The following ZNF14 variants were observed in gnomAD, a reference collection of about 807,000 sequenced individuals.
ZNF14 encodes zinc finger protein 14.
Under a neutral mutation model 11.3 loss-of-function variants are expected in ZNF14, and 9 were observed. The ratio of observed to expected loss-of-function variants is 0.80; its 90% CI spans 0.48 to 1.39. The LOEUF (loss-of-function observed/expected upper bound fraction) is 1.39, where lower values mean the gene tolerates loss of function less well. ZNF14 is among the 40% of genes most tolerant of loss of function. The pLI is 0.00. For missense variants in ZNF14, 711 were observed against 763.9 expected (o/e 0.93, Z 0.82); for synonymous variants, 239 against 245.7 (o/e 0.97, Z 0.25).
chr19:19,732,923 A>G (rs1363120168), intron 1 of ZNF14, 33 bp downstream of exon 1: 2 of 1,610,964 alleles, frequency 1.2e-6, no homozygotes, highest in Non-Finnish European at 1.7e-6. Flanking sequence ...CCAACCAGAA[A>G]CCTCCCCTCG....
chr19:19,731,663 A>G (rs886563423), intron 1 of ZNF14, among the ~76,000 whole-genome samples: 1 of 152,228 alleles, frequency 6.6e-6, no homozygotes, highest in Non-Finnish European at 1.5e-5. Context: ...AGAGAAAAAC[A>G]CACTGACCTA....
intron 3 of ZNF14, among the ~76,000 whole-genome samples, chr19:19,713,748 C>CTTTTTTTTTTTTTTTTTTTTTTTTTTTT (rs71172526): frequency 8.3e-6 from 1 of 120,188 alleles, no homozygotes; most frequent in Non-Finnish European, 1.8e-5. Flanking sequence ...TGTGCCAGGC[C>CTTTTTTTTTTTTTTTTTTTTTTTTTTTT]TTTTTTTTTT....
rs2062428388 is a variant in ZNF14, at chr19:19,732,946, G to A, written c.3+10C>T. The A allele has an allele frequency of 1.9e-6, 3 of 1,613,222 alleles. No homozygotes were observed. The highest frequency in any genetic ancestry group is 2.2e-5 in the South Asian group (2 of 90,950). ...AAACCTCCCCTCGGACACTGGCCCC[G>A]CACACTCACCATTTCCCAGCGTCCG... On this transcript the variant is annotated intron_variant, in intron 1 of 3. Coordinates refer to ENST00000344099, the MANE Select transcript of ZNF14 (RefSeq NM_021030.3).
chr19:19,728,915 C>T (rs897991334), intron 1 of ZNF14, among the ~76,000 whole-genome samples: 1 of 152,100 alleles, frequency 6.6e-6, no homozygotes, highest in African/African-American at 2.4e-5. Flanking sequence ...AACCACAATT[C>T]TTTGACAGAA....
At chr19:19,722,771 C>T (rs2062396478) in intron 1 of ZNF14, among the ~76,000 whole-genome samples, 2 of 152,184 alleles carry the variant, frequency 1.3e-5, no homozygotes, top group South Asian at 4.1e-4. Context: ...TGTAGTTCTC[C>T]TTGAATAGTT....
At chr19:19,729,733 A>T (rs918084855) in intron 1 of ZNF14, among the ~76,000 whole-genome samples, 3 of 151,548 alleles carry the variant, frequency 2.0e-5, no homozygotes, top group Admixed American at 6.6e-5. Flanking sequence ...AGAAACTTAT[A>T]AAAAAAAATG....
chr19:19,712,760 C>T lies in ZNF14; in HGVS notation c.521G>A (p.Cys174Tyr), dbSNP rs374717808. The stretch of plus-strand genomic sequence containing the variant: ...CTGGTAATATATAAAGGCTTTCCCA[C>T]ACTGTTTACATTCATAGGGCTTCAC... The part of the protein sequence containing the change: ...TGVKPYECKQ[C>Y]GKAFIYYQPF... The change falls in exon 4 of 4, where the codon TGT becomes TAT. Residue 174 changes from cysteine to tyrosine, a missense_variant. By Grantham distance (194) the Cys-to-Tyr change is radical (BLOSUM62 -2). Transcript: ENST00000344099. 5 of 1,613,706 alleles carry T rather than the reference C, an allele frequency of 3.1e-6. No individual in the cohort carries two copies. In the African/African-American group the frequency reaches 5.3e-5, roughly 17 times the overall value.
Position 19,726,250 on chromosome 19 carries a change from G to A in ZNF14, c.3+6706C>T, listed in dbSNP as rs757730044. ...ACCTCTGGTCTTTGATGATGGTGAC[G>A]TACAAATGGGGTTTTGGTGTGGATG... On this transcript the variant is annotated intron_variant, in intron 1 of 3. Transcript: ENST00000344099. Among the ~76,000 whole-genome samples, 44 of 134,118 alleles carry A rather than the reference G, an allele frequency of 3.3e-4. 10 individuals are homozygous for A. Among genetic ancestry groups the A allele is most frequent in the Non-Finnish European group, 4.8e-4 (29 of 60,250 alleles). The allele number at this position is 134,118 out of a possible 152,430, so 88.0% of individuals were successfully genotyped here. A position where few individuals can be genotyped will look rare whatever the true frequency, so the allele number is the denominator to read the frequency against.
intron 1 of ZNF14, among the ~76,000 whole-genome samples, chr19:19,719,160 T>C (rs1471898124): frequency 1.3e-5 from 2 of 152,122 alleles, no homozygotes; most frequent in East Asian, 3.8e-4. Context: ...GAATTCTGTA[T>C]AGAGCAAGAA....
chr19:19,731,858 G>C (rs184758186), intron 1 of ZNF14, among the ~76,000 whole-genome samples: 2 of 152,246 alleles, frequency 1.3e-5, no homozygotes, highest in African/African-American at 4.8e-5. Flanking sequence ...ACAAGGTCAG[G>C]AGATCGAGAC....
intron 1 of ZNF14, among the ~76,000 whole-genome samples, chr19:19,728,911 A>T (rs1482738196): frequency 6.6e-6 from 1 of 152,128 alleles, no homozygotes; most frequent in East Asian, 1.9e-4. Context: ...ACAGAACCAC[A>T]ATTCTTTGAC....
In ZNF14 at chr19:19,712,695, G is replaced by A; in HGVS notation, c.586C>T (p.Pro196Ser). 6.2e-7 allele frequency: 1 copy of A among 1,613,624 alleles called. No individual in the cohort carries two copies. The highest frequency in any genetic ancestry group is 8.5e-7 in the Non-Finnish European group (1 of 1,179,906). Residue 196 changes from proline (P) to serine (S), a missense_variant, in exon 4 of 4, where the codon CCC becomes TCC. Physicochemically the swap from Pro to Ser is moderately conservative, Grantham distance 74 (BLOSUM62 -1). Coordinates refer to ENST00000344099, the MANE Select transcript of ZNF14 (RefSeq NM_021030.3). ...RHERTHAGQK[P>S]YECKQCGKTF... ...TTTCCACATTGCTTACATTCATAGG[G>A]TTTCTGTCCAGCATGAGTCCTTTCA... is the stretch of plus-strand genomic sequence containing the variant.
At position 19,711,305 on chromosome 19, in the gene ZNF14, C is replaced by G. The variant is rs750771247; in HGVS notation, c.*47G>C. ...TCCAGTATGAACTCTTTTGTGTATT[C>G]AGAAGGAGCTGGAACAACCGAAGGC... On this transcript the variant is annotated 3_prime_UTR_variant, in exon 4 of 4. Coordinates refer to ENST00000344099, the MANE Select transcript of ZNF14 (RefSeq NM_021030.3). 21 of 1,516,320 alleles carry G rather than the reference C, an allele frequency of 1.4e-5. No individual in the cohort carries two copies. Among genetic ancestry groups the G allele is most frequent in the Non-Finnish European group, 4.4e-6 (5 of 1,135,338 alleles). The allele number at this position is 1,516,320 out of a possible 1,614,324, so 93.9% of individuals were successfully genotyped here. A position where few individuals can be genotyped will look rare whatever the true frequency, so the allele number is the denominator to read the frequency against.
chr19:19,717,935 G>A (rs1373855342), intron 1 of ZNF14, among the ~76,000 whole-genome samples: 2 of 152,150 alleles, frequency 1.3e-5, no homozygotes, highest in South Asian at 2.1e-4. Flanking sequence ...AAGATGACAG[G>A]AGAGAGAAAA....
In ZNF14 at chr19:19,728,440, T is replaced by A. The variant is rs1165130808; in HGVS notation, c.3+4516A>T. The stretch of plus-strand genomic sequence containing the variant: ...CTGAGGCAGGAGAATCACTTGAAAC[T>A]GGAAGGCAGAGGTTGCAGTGAGCCA... On this transcript the variant is annotated intron_variant, in intron 1 of 3. Transcript: ENST00000344099. 2.7e-5 allele frequency among the ~76,000 whole-genome samples: 3 copies of A among 109,186 alleles called. 1 individual carries two copies. The highest frequency in any genetic ancestry group is 1.1e-4 in the African/African-American group (3 of 27,792). 71.6% of individuals were successfully genotyped at this position (109,186 alleles called of 152,430 possible).
Position 19,723,918 on chromosome 19 carries a change from A to G in ZNF14, c.3+9038T>C, listed in dbSNP as rs1323403964. ...TGGTAGTTTGTATTTCTGTGGGATC[A>G]GTGGTGATATCCCCTTTATCATTTT... On this transcript the variant is annotated intron_variant, in intron 1 of 3. Coordinates refer to ENST00000344099, the MANE Select transcript of ZNF14 (RefSeq NM_021030.3). Among the ~76,000 whole-genome samples the G allele has an allele frequency of 1.5e-5, 2 of 133,676 alleles. 1 individual carries two copies. The highest frequency in any genetic ancestry group is 5.5e-5 in the African/African-American group (2 of 36,168). The allele number at this position is 133,676 out of a possible 152,430, so 87.7% of individuals were successfully genotyped here.
At chr19:19,727,223 A>G (rs2062408889) in intron 1 of ZNF14, among the ~76,000 whole-genome samples, 1 of 134,208 alleles carries the variant, frequency 7.5e-6, no homozygotes, top group African/African-American at 2.8e-5. Context: ...GTACTGTTAT[A>G]TCTTAGTTGT....
At chr19:19,713,925 G>A (rs1036989161) in intron 3 of ZNF14, among the ~76,000 whole-genome samples, 166 bp downstream of exon 3, 2 of 151,956 alleles carry the variant, frequency 1.3e-5, no homozygotes, top group African/African-American at 2.4e-5. Flanking sequence ...ATGCTATTTC[G>A]AAGTGATTTA....
rs1161943533 is a variant in ZNF14, at chr19:19,727,067, C to G, written c.3+5889G>C. ...GCAATGCCCCGCCCTGCTCCATGGG[C>G]TGCACCCACTGTCTGCCAAGCCCCA... On this transcript the variant is annotated intron_variant, in intron 1 of 3. Coordinates refer to ENST00000344099, the MANE Select transcript of ZNF14 (RefSeq NM_021030.3). 6.0e-5 allele frequency among the ~76,000 whole-genome samples: 8 copies of G among 133,652 alleles called. 2 individuals are homozygous for G. Among genetic ancestry groups the G allele is most frequent in the Non-Finnish European group, 1.2e-4 (7 of 60,024 alleles). 87.7% of individuals were successfully genotyped at this position (133,652 alleles called of 152,430 possible). A position where few individuals can be genotyped will look rare whatever the true frequency, so the allele number is the denominator to read the frequency against.
Sources: gnomAD v4.1 joint callset for allele counts (sites outside exome capture counted in the v4.1 genomes callset) on GRCh38, gnomAD v4.1.1 for gene constraint, MANE v1.5 for transcripts, NCBI Gene and HGNC (gene_info 2026-07-23, HGNC 2026-07-21) for gene names.